LRSAM1: variants seen among roughly 807,000 people sequenced by gnomAD.
LRSAM1 encodes E3 ubiquitin-protein ligase LRSAM1.
Under a neutral mutation model 118.1 loss-of-function variants are expected in LRSAM1, and 96 were observed. The observed-to-expected ratio is 0.81, with a 90% CI of 0.69 to 0.96. LRSAM1 has a LOEUF of 0.96. LRSAM1 is among the 40% of genes least tolerant of loss of function. LRSAM1 has a pLI of 0.00. For synonymous variants in LRSAM1, 322 were observed against 364.2 expected (o/e 0.88, Z 1.32); for missense variants, 804 against 915.5 (o/e 0.88, Z 1.57).
chr9:127,466,603 T>C (rs1175630624), intron 9 of LRSAM1, among the ~76,000 whole-genome samples: 3 of 143,652 alleles, frequency 2.1e-5, no homozygotes, highest in Non-Finnish European at 4.5e-5. Context: ...TCCTCCCACC[T>C]TGGCCTCCCA....
rs1835591906 is a variant in LRSAM1 at position 127,482,933 on chromosome 9, G to C, written c.1089-17G>C. ...AAATGTTAAATTTGCTGAATGAATGGATGGATTTTTTTCTAGAATAAGAAT... is the reference window on the plus strand; with the variant it reads ...AAATGTTAAATTTGCTGAATGAATGCATGGATTTTTTTCTAGAATAAGAAT... On this transcript the variant is annotated splice_polypyrimidine_tract_variant and intron_variant, in intron 15 of 25. Transcript: ENST00000300417. 1 of 1,551,700 alleles carries C rather than the reference G, an allele frequency of 6.4e-7. No homozygotes were observed. The highest frequency in any genetic ancestry group is 1.2e-5 in the South Asian group (1 of 84,082).
chr9:127,500,820 G>A (rs1836356815), intron 24 of LRSAM1, among the ~76,000 whole-genome samples, 190 bp from the exon 25 acceptor site: 2 of 152,226 alleles, frequency 1.3e-5, no homozygotes, highest in Admixed American at 1.3e-4. Context: ...TTCTGCAGAT[G>A]GGAAATGAGG....
chr9:127,487,238 C>A (rs919955116), intron 17 of LRSAM1, among the ~76,000 whole-genome samples: 2 of 151,686 alleles, frequency 1.3e-5, no homozygotes, highest in Non-Finnish European at 2.9e-5. Context: ...ATACGTGAGG[C>A]TGCAGGTTCT....
chr9:127,487,194 A>C (rs1243352747), intron 17 of LRSAM1, among the ~76,000 whole-genome samples: 1 of 151,940 alleles, frequency 6.6e-6, no homozygotes, highest in Non-Finnish European at 1.5e-5. Context: ...AAAAAAAAAA[A>C]AAAAAACAAC....
chr9:127,496,842 G>A (rs1836165051), intron 23 of LRSAM1, among the ~76,000 whole-genome samples: 1 of 152,270 alleles, frequency 6.6e-6, no homozygotes, highest in African/African-American at 2.4e-5. Context: ...AGGCTCTGGA[G>A]GCTGAGGGAC....
At chr9:127,487,131 C>A (rs954547115) in intron 17 of LRSAM1, among the ~76,000 whole-genome samples, 4 of 151,260 alleles carry the variant, frequency 2.6e-5, no homozygotes, top group Admixed American at 6.6e-5. Flanking sequence ...TTGCAGTGAG[C>A]CACGATCACA....
chr9:127,490,099 C>G (rs2132094306), intron 19 of LRSAM1, among the ~76,000 whole-genome samples: 1 of 149,686 alleles, frequency 6.7e-6, no homozygotes, highest in Middle Eastern at 3.5e-3. Flanking sequence ...AAGCCTTGGG[C>G]AAGCCCACCT....
At chr9:127,461,631 G>A (rs1834750675) in intron 8 of LRSAM1, among the ~76,000 whole-genome samples, 1 of 152,236 alleles carries the variant, frequency 6.6e-6, no homozygotes, top group Non-Finnish European at 1.5e-5. Context: ...CAAGCCTCCT[G>A]AGGAGTCCAC....
intron 9 of LRSAM1, among the ~76,000 whole-genome samples, chr9:127,467,496 GCT>G (rs1169499194): frequency 2.0e-5 from 3 of 152,142 alleles, no homozygotes; most frequent in Admixed American, 2.0e-4. Context: ...AGTCTGTCCG[GCT>G]CTCTCTCTGC....
intron 9 of LRSAM1, among the ~76,000 whole-genome samples, chr9:127,466,491 TATATATATA>T (rs1466555651): frequency 0.017 from 259 of 15,104 alleles, 11 homozygotes; most frequent in African/African-American, 0.05. Flanking sequence ...TATATATATA[TATATATATA>T]TATATTTTTT....
intron 10 of LRSAM1, among the ~76,000 whole-genome samples, chr9:127,472,278 T>A (rs561460284): frequency 6.6e-6 from 1 of 150,462 alleles, no homozygotes; most frequent in East Asian, 1.9e-4. Flanking sequence ...ATTTTTCAAT[T>A]TACCTAAACT....
intron 3 of LRSAM1, 52 bp from the exon 4 acceptor site, chr9:127,454,946 T>C: frequency 6.5e-7 from 1 of 1,548,276 alleles, no homozygotes; most frequent in Non-Finnish European, 8.9e-7. Context: ...GCTTGTCCAC[T>C]CTGCAAAGGT....
intron 24 of LRSAM1, among the ~76,000 whole-genome samples, chr9:127,500,737 G>A (rs986311638): frequency 6.6e-5 from 10 of 152,186 alleles, no homozygotes; most frequent in African/African-American, 1.7e-4. Context: ...GAAGCGTCCC[G>A]GGGACATTAG....
chr9:127,490,603 C>T (rs1835899335), intron 19 of LRSAM1, among the ~76,000 whole-genome samples: 1 of 152,190 alleles, frequency 6.6e-6, no homozygotes, highest in African/African-American at 2.4e-5. Flanking sequence ...CTTACCTGCT[C>T]TGTGTCCTTG....
intron 20 of LRSAM1, among the ~76,000 whole-genome samples, chr9:127,491,596 G>T (rs999770562): frequency 6.6e-6 from 1 of 152,242 alleles, no homozygotes; most frequent in African/African-American, 2.4e-5. Flanking sequence ...TGCTGGGTGC[G>T]GGCCCGCCGC....
chr9:127,477,222 A>AG (rs1835375226), intron 11 of LRSAM1, among the ~76,000 whole-genome samples: 1 of 152,024 alleles, frequency 6.6e-6, no homozygotes, highest in Non-Finnish European at 1.5e-5. Context: ...GTGGGGTGGG[A>AG]GGGGAACCAG....
At chr9:127,456,165 A>C (rs1834509866) in intron 5 of LRSAM1, among the ~76,000 whole-genome samples, 1 of 31,214 alleles carries the variant, frequency 3.2e-5, no homozygotes, top group African/African-American at 8.6e-5. Context: ...GAATATGCAA[A>C]AAAAAAAAAA....
chr9:127,488,082 C>T (rs1048158321), intron 18 of LRSAM1, among the ~76,000 whole-genome samples: 4 of 152,110 alleles, frequency 2.6e-5, no homozygotes, highest in African/African-American at 9.7e-5. Flanking sequence ...CCATGGAGGT[C>T]AGGGCACAGA....
At chr9:127,498,849 A>G (rs1185950303) in intron 24 of LRSAM1, among the ~76,000 whole-genome samples, 68 of 152,154 alleles carry the variant, frequency 4.5e-4, no homozygotes, top group Non-Finnish European at 8.8e-5. Flanking sequence ...ACCTGAGGTC[A>G]GGAGTTCGAG....
Sources: allele counts gnomAD v4.1 joint callset (sites outside exome capture counted in the v4.1 genomes callset), GRCh38; gene constraint gnomAD v4.1.1; transcripts MANE v1.5; gene names NCBI Gene and HGNC (gene_info 2026-07-23, HGNC 2026-07-21).